The following SHLD2 variants were observed in gnomAD, a reference collection of about 807,000 sequenced individuals.
SHLD2 encodes RINN1-REV7-interacting novel NHEJ regulator 2.
SHLD2 carries 30 observed loss-of-function variants against 73.2 expected under a neutral mutation model. The ratio of observed to expected loss-of-function variants is 0.41; its 90% confidence interval spans 0.31 to 0.56. The LOEUF is 0.56. Ranked by LOEUF, SHLD2 falls within the 20% of genes least tolerant of loss-of-function variation. The probability of loss-of-function intolerance (pLI) is 0.28; values close to 1 mark genes in which losing one functional copy is unlikely to be tolerated. For synonymous variants in SHLD2, 285 were observed against 370.1 expected (o/e 0.77, Z 2.64); for missense variants, 745 against 1,055.9 (o/e 0.71, Z 4.08).
intron 6 of SHLD2, among the ~76,000 whole-genome samples, chr10:87,173,327 C>A (rs1380042283): frequency 6.6e-6 from 1 of 152,094 alleles, no homozygotes; most frequent in Non-Finnish European, 1.5e-5. Context: ...CCACCGCACC[C>A]GGCCAGCATA....
At chr10:87,111,001 G>A (rs1481242952) in intron 2 of SHLD2, among the ~76,000 whole-genome samples, 4 of 151,556 alleles carry the variant, frequency 2.6e-5, no homozygotes, top group Admixed American at 6.6e-5. Flanking sequence ...GCACCACCAC[G>A]CCTGGCTAAT....
At chr10:87,103,807 T>C (rs1842419297) in intron 2 of SHLD2, among the ~76,000 whole-genome samples, 1 of 152,226 alleles carries the variant, frequency 6.6e-6, no homozygotes, top group African/African-American at 2.4e-5. Flanking sequence ...TTTTGTTGTA[T>C]TGCTGAGTAA....
intron 2 of SHLD2, among the ~76,000 whole-genome samples, chr10:87,099,608 G>A (rs1842135156): frequency 6.6e-6 from 1 of 152,220 alleles, no homozygotes; most frequent in South Asian, 2.1e-4. Context: ...TATTCTGAAT[G>A]ATGCTGCGGT....
intron 2 of SHLD2, among the ~76,000 whole-genome samples, chr10:87,120,255 TTTA>T (rs1843516800): frequency 7.4e-6 from 1 of 134,940 alleles, no homozygotes; most frequent in African/African-American, 3.5e-5. Context: ...TATTTATTTA[TTTA>T]TTTTTTTGAG....
chr10:87,105,688 G>A (rs941082650), intron 2 of SHLD2, among the ~76,000 whole-genome samples: 1 of 152,196 alleles, frequency 6.6e-6, no homozygotes, highest in African/African-American at 2.4e-5. Context: ...CATTCAGCCA[G>A]TTTGTGATAT....
intron 2 of SHLD2, among the ~76,000 whole-genome samples, chr10:87,125,817 C>G (rs533196671): frequency 5.3e-5 from 8 of 152,168 alleles, no homozygotes; most frequent in Middle Eastern, 6.8e-3. Context: ...ATCCCAACTA[C>G]TCGGGAGGCT....
In SHLD2 at chr10:87,151,850, A is replaced by G. The variant is rs781148725; in HGVS notation, c.496A>G (p.Asn166Asp). 10 of 1,611,710 alleles carry G rather than the reference A, an allele frequency of 6.2e-6. No individual in the cohort carries two copies. In the South Asian group the frequency reaches 8.8e-5, roughly 14 times the overall value. The change falls in exon 3 of 10, where the codon AAT (asparagine) becomes GAT (aspartate). Residue 166 changes from asparagine to aspartate, a missense_variant. Transcript: ENST00000298786. ...PDICGKNFNTNLFQLGHKCAA... is the reference protein window; with the variant it reads ...PDICGKNFNTDLFQLGHKCAA... ...TATATGTGGTAAGAACTTTAACACAAATTTGTTTCAGTTGGGCCATAAATG... is the reference window on the plus strand; with the variant it reads ...TATATGTGGTAAGAACTTTAACACAGATTTGTTTCAGTTGGGCCATAAATG...
intron 2 of SHLD2, among the ~76,000 whole-genome samples, chr10:87,137,337 A>G (rs1487582704): frequency 6.6e-6 from 1 of 152,120 alleles, no homozygotes; most frequent in Non-Finnish European, 1.5e-5. Context: ...GAGGTGAAAA[A>G]TATACTAGCA....
chr10:87,188,386 TC>T (rs1848765361), intron 9 of SHLD2, among the ~76,000 whole-genome samples: 1 of 152,130 alleles, frequency 6.6e-6, no homozygotes, highest in Non-Finnish European at 1.5e-5. Flanking sequence ...TACTGGTTCC[TC>T]ACCTGTACCC....
intron 4 of SHLD2, among the ~76,000 whole-genome samples, chr10:87,169,993 G>A (rs1451046708): frequency 1.3e-5 from 2 of 152,154 alleles, no homozygotes; most frequent in East Asian, 1.9e-4. Flanking sequence ...CGGAGGCCTC[G>A]CTGTGGAAAG....
At chr10:87,134,411 C>G (rs1429720719) in intron 2 of SHLD2, among the ~76,000 whole-genome samples, 2 of 152,172 alleles carry the variant, frequency 1.3e-5, no homozygotes, top group South Asian at 2.1e-4. Context: ...AAGGAGAAAC[C>G]AGCCACATTT....
chr10:87,166,949 A>AAG (rs1847241674), intron 4 of SHLD2, among the ~76,000 whole-genome samples: 1 of 104,916 alleles, frequency 9.5e-6, no homozygotes. Context: ...ACATTTTGGA[A>AAG]AGTGTGTGTG....
chr10:87,097,480 G>A (rs1279294858), intron 2 of SHLD2, among the ~76,000 whole-genome samples: 2 of 152,080 alleles, frequency 1.3e-5, no homozygotes, highest in Non-Finnish European at 1.5e-5. Flanking sequence ...GTTGGGCAGT[G>A]CTTGTAGTTC....
rs1226116149 is a variant in SHLD2 at position 87,175,424 on chromosome 10, G to C, written c.1964-465G>C. ...CTGGTGGCCCGGCACGGAGGCTTAT[G>C]CCTGTAATCCCAGCACTGTGGGAGG... On this transcript the variant is annotated intron_variant, in intron 6 of 9. Transcript: ENST00000298786. 5.3e-5 allele frequency among the ~76,000 whole-genome samples: 8 copies of C among 151,572 alleles called. No homozygotes were observed. The South Asian group carries it at 1.0e-3, about 20-fold the overall frequency.
At chr10:87,185,117 C>T (rs1848536535) in intron 8 of SHLD2, among the ~76,000 whole-genome samples, 1 of 152,064 alleles carries the variant, frequency 6.6e-6, no homozygotes, top group Non-Finnish European at 1.5e-5. Flanking sequence ...TACGAATCTG[C>T]TTTCGGTCTC....
intron 2 of SHLD2, among the ~76,000 whole-genome samples, chr10:87,125,522 G>A (rs1175604913): frequency 1.3e-5 from 2 of 152,216 alleles, no homozygotes; most frequent in African/African-American, 4.8e-5. Flanking sequence ...ATCACCTGAG[G>A]TCAGGAGTTG....
chr10:87,115,402 G>A (rs1843187857), intron 2 of SHLD2: 1 of 152,214 alleles, frequency 6.6e-6, no homozygotes, highest in Non-Finnish European at 1.5e-5. Flanking sequence ...GAGATAGAGT[G>A]TGGGAAATAG....
chr10:87,176,947 A>T (rs1832419044), intron 7 of SHLD2, among the ~76,000 whole-genome samples: 2 of 152,144 alleles, frequency 1.3e-5, no homozygotes, highest in African/African-American at 4.8e-5. Context: ...AACACAGATG[A>T]TAGAAAATTT....
At chr10:87,163,207 C>T (rs1846945179) in intron 4 of SHLD2, among the ~76,000 whole-genome samples, 1 of 151,830 alleles carries the variant, frequency 6.6e-6, no homozygotes, top group Non-Finnish European at 1.5e-5. Flanking sequence ...AACATAAACC[C>T]CCCAAAACTG....
Sources: allele counts gnomAD v4.1 joint callset (sites outside exome capture counted in the v4.1 genomes callset), GRCh38; gene constraint gnomAD v4.1.1; transcripts MANE v1.5; gene names NCBI Gene and HGNC (gene_info 2026-07-23, HGNC 2026-07-21).